UVSSA: variants seen among roughly 807,000 people sequenced by gnomAD.
UVSSA encodes UV-stimulated scaffold protein A.
In UVSSA, 72 loss-of-function variants were observed where a neutral mutation model predicts 73.9. That is an observed-to-expected ratio of 0.97 (90% CI 0.81 to 1.19). UVSSA has a LOEUF of 1.19. UVSSA is among the 50% of genes most tolerant of loss of function. The probability of loss-of-function intolerance (pLI) is 0.00; values close to 1 mark genes in which losing one functional copy is unlikely to be tolerated. For synonymous variants in UVSSA, 454 were observed against 391.3 expected (o/e 1.16, Z -1.89); for missense variants, 1,150 against 965.0 (o/e 1.19, Z -2.54).
chr4:1,393,334 C>T (rs1283596916), exon 14 of UVSSA: 2 of 152,204 alleles, frequency 1.3e-5, no homozygotes, highest in Admixed American at 1.3e-4. Flanking sequence ...CATTCTCATA[C>T]TTTAATTCTG....
At chr4:1,364,824 G>T (rs907535135) in intron 7 of UVSSA, among the ~76,000 whole-genome samples, 1 of 152,160 alleles carries the variant, frequency 6.6e-6, no homozygotes, top group Non-Finnish European at 1.5e-5. Flanking sequence ...ACCTTCAGCT[G>T]CCCTAGCAGC....
upstream of UVSSA, among the ~76,000 whole-genome samples, chr4:1,344,669 A>G (rs1163078712): frequency 6.6e-6 from 1 of 152,262 alleles, no homozygotes. Context: ...CATGAAACAA[A>G]GATCCCTATT....
At chr4:1,357,733 T>TG (rs1715995526) in intron 7 of UVSSA, among the ~76,000 whole-genome samples, 2 of 152,170 alleles carry the variant, frequency 1.3e-5, no homozygotes. Flanking sequence ...CTGCCGTGTG[T>TG]GGGCTCAGGA....
Position 1,354,757 on chromosome 4 carries a change from C to A in UVSSA, c.957C>A (p.Asn319Lys). 1 of 1,613,588 alleles carries A rather than the reference C, an allele frequency of 6.2e-7. No individual in the cohort carries two copies. The highest frequency in any genetic ancestry group is 8.5e-7 in the Non-Finnish European group (1 of 1,179,934). Residue 319 changes from asparagine to lysine, a missense_variant, in exon 6 of 14, where the codon AAC becomes AAA. Asn to Lys is a moderately conservative substitution (Grantham distance 94, BLOSUM62 0). Coordinates refer to ENST00000389851, the MANE Select transcript of UVSSA (RefSeq NM_020894.4). The part of the protein sequence containing the change: ...LCSEGLKVQE[N>K]EDNLALIHAA... ...CAGAGGGCCTGAAGGTGCAGGAGAACGAGGACAACCTTGCTCTCATCCACG... is the reference window on the plus strand; with the variant it reads ...CAGAGGGCCTGAAGGTGCAGGAGAAAGAGGACAACCTTGCTCTCATCCACG...
At position 1,386,028 on chromosome 4, in the gene UVSSA, T is replaced by C; in HGVS notation, c.*67T>C. Reference sequence around the variant, plus strand: ...CTGCCAGTGTCTCAGGACAGCAGAGTGGGCGTGGGTCTGGGCAGTAACCAT... The same window carrying C: ...CTGCCAGTGTCTCAGGACAGCAGAGCGGGCGTGGGTCTGGGCAGTAACCAT... On this transcript the variant is annotated 3_prime_UTR_variant, in exon 14 of 14. Coordinates refer to ENST00000389851, the MANE Select transcript of UVSSA (RefSeq NM_020894.4). 6.6e-7 allele frequency: 1 copy of C among 1,524,606 alleles called. No individual in the cohort carries two copies. The highest frequency in any genetic ancestry group is 2.3e-5 in the East Asian group (1 of 44,410). The allele number at this position is 1,524,606 out of a possible 1,614,324, so 94.4% of individuals were successfully genotyped here.
exon 14 of UVSSA, chr4:1,394,213 AGT>A (rs376830546): frequency 9.1e-6 from 5 of 550,472 alleles, no homozygotes; most frequent in African/African-American, 7.6e-5. Flanking sequence ...TGCCTCCAGG[AGT>A]GTGGCAGAGC....
At chr4:1,375,307 G>GGT in intron 8 of UVSSA, 57 bp from the exon 9 acceptor site, 1 of 1,603,600 alleles carries the variant, frequency 6.2e-7, no homozygotes. Context: ...GGTCTTGCCT[G>GGT]ATGTGCCTGG....
chr4:1,366,261 G>T, intron 7 of UVSSA, 59 bp from the exon 8 acceptor site: 1 of 1,349,432 alleles, frequency 7.4e-7, no homozygotes, highest in Non-Finnish European at 1.0e-6. Context: ...CTGCCCACCG[G>T]GAGCTGTGTT....
chr4:1,390,094 T>G (rs977257983), downstream of UVSSA: 2 of 152,230 alleles, frequency 1.3e-5, no homozygotes, highest in Non-Finnish European at 2.9e-5. Flanking sequence ...CTTTTTCATA[T>G]AGACATTTGT....
At chr4:1,352,937 C>T (rs540799908) in intron 4 of UVSSA, 93 bp from the exon 5 acceptor site, 3 of 1,491,602 alleles carry the variant, frequency 2.0e-6, no homozygotes, top group African/African-American at 2.8e-5. Flanking sequence ...AAAGTGACAC[C>T]CTGCGGGGAG....
At chr4:1,362,066 AGTAACCTC>A (rs1716724054) in intron 7 of UVSSA, among the ~76,000 whole-genome samples, 1 of 152,182 alleles carries the variant, frequency 6.6e-6, no homozygotes, top group Non-Finnish European at 1.5e-5. Flanking sequence ...TCAAATAATT[AGTAACCTC>A]GCCACCCTAC....
rs77896689 is a variant in UVSSA, at chr4:1,395,277, T to C, written c.*9316T>C. 2.7e-4 allele frequency: 371 copies of C among 1,390,364 alleles called. 5 individuals carry two copies. The East Asian group carries it at 0.01, about 38-fold the overall frequency. 86.1% of individuals were successfully genotyped at this position (1,390,364 alleles called of 1,614,324 possible). A position where few individuals can be genotyped will look rare whatever the true frequency, so the allele number is the denominator to read the frequency against. On this transcript the variant is annotated 3_prime_UTR_variant, in exon 14 of 14. Transcript: ENST00000511216. Reference sequence around the variant, plus strand: ...GAGTGCCCGCCTGCTCACGTGCCGATGTGGAGTGCCCGCCTGCTCACACGT... The same window carrying C: ...GAGTGCCCGCCTGCTCACGTGCCGACGTGGAGTGCCCGCCTGCTCACACGT...
At chr4:1,368,583 C>T (rs1717631538) in intron 8 of UVSSA, among the ~76,000 whole-genome samples, 1 of 152,244 alleles carries the variant, frequency 6.6e-6, no homozygotes, top group African/African-American at 2.4e-5. Flanking sequence ...CCAAGGGGGC[C>T]GAGCGGCCTC....
rs562131195 is a variant in UVSSA, at chr4:1,348,626, A to G, written c.98+437A>G. Reference sequence around the variant, plus strand: ...AACGCCGGAGGGGATCTCTGCCGTCACCCTCAGGCAGCCAGAGATTCATGG... The same window carrying G: ...AACGCCGGAGGGGATCTCTGCCGTCGCCCTCAGGCAGCCAGAGATTCATGG... On this transcript the variant is annotated intron_variant, in intron 2 of 13. Coordinates refer to ENST00000389851, the MANE Select transcript of UVSSA (RefSeq NM_020894.4). Among the ~76,000 whole-genome samples, 14 of 152,280 alleles carry G rather than the reference A, an allele frequency of 9.2e-5. No homozygotes were observed. In the East Asian group the frequency reaches 2.3e-3, roughly 25 times the overall value.
chr4:1,345,752 G>A (rs1713617160), upstream of UVSSA, among the ~76,000 whole-genome samples: 1 of 151,906 alleles, frequency 6.6e-6, no homozygotes, highest in South Asian at 2.1e-4. Context: ...GGGCTGAGAG[G>A]ACACCCCGGG....
upstream of UVSSA, among the ~76,000 whole-genome samples, chr4:1,347,030 G>T (rs1031163828): frequency 8.5e-5 from 13 of 152,224 alleles, no homozygotes; most frequent in East Asian, 3.9e-4. Flanking sequence ...GTGCTAGGGG[G>T]CGGGGCCTTG....
chr4:1,378,148 G>T (rs1310744194), intron 10 of UVSSA, among the ~76,000 whole-genome samples: 1 of 152,224 alleles, frequency 6.6e-6, no homozygotes, highest in Non-Finnish European at 1.5e-5. Flanking sequence ...AGGTCAAGAT[G>T]ATGCGGGTCC....
intron 11 of UVSSA, 22 bp downstream of exon 11, chr4:1,380,252 G>C (rs748247950): frequency 1.2e-6 from 2 of 1,601,104 alleles, no homozygotes; most frequent in Non-Finnish European, 1.7e-6. Flanking sequence ...GCCCGAGGGC[G>C]GGGGTGGGTG....
chr4:1,383,318 G>A (rs983865192), intron 12 of UVSSA, among the ~76,000 whole-genome samples: 1 of 152,194 alleles, frequency 6.6e-6, no homozygotes, highest in African/African-American at 2.4e-5. Context: ...ACCAGCAGGC[G>A]TGTCCAGCAG....
Sources: gnomAD v4.1 joint callset for allele counts (sites outside exome capture counted in the v4.1 genomes callset) on GRCh38, gnomAD v4.1.1 for gene constraint, MANE v1.5 for transcripts, NCBI Gene and HGNC (gene_info 2026-07-23, HGNC 2026-07-21) for gene names.